Variants in ARSB observed in about 807,000 individuals in gnomAD.
The protein encoded by ARSB is arylsulfatase B, also known as N-acetylgalactosamine-4-sulfatase.
A neutral mutation model predicts 50.9 loss-of-function variants in ARSB; 41 were observed. The observed-to-expected ratio is 0.81, with a 90% CI of 0.63 to 1.04. The LOEUF is 1.04. ARSB is among the 50% of genes least tolerant of loss of function. The probability of loss-of-function intolerance (pLI) is 0.00; values close to 1 mark genes in which losing one functional copy is unlikely to be tolerated. For missense variants in ARSB, 672 were observed against 693.3 expected, an observed-to-expected ratio of 0.97 and a Z score of 0.35; for synonymous variants, 269 against 284.8, an observed-to-expected ratio of 0.94 and a Z score of 0.56.
At chr5:78,915,258 T>G (rs1281651560) in intron 4 of ARSB, among the ~76,000 whole-genome samples, 1 of 152,126 alleles carries the variant, frequency 6.6e-6, no homozygotes, top group Non-Finnish European at 1.5e-5. Flanking sequence ...TCTAATCAAT[T>G]AAAATTGACA....
chr5:78,964,511 C>T lies in ARSB; in HGVS notation c.595G>A (p.Gly199Ser). ...VTRCALDFRD[G>S]EEVATGYKNM... Reference sequence around the variant, plus strand: ...TTATATCCTGTTGCAACTTCTTCGCCATCTCGAAAATCAAGAGCACATCGT... The same window carrying T: ...TTATATCCTGTTGCAACTTCTTCGCTATCTCGAAAATCAAGAGCACATCGT... The change falls in exon 3 of 8, where the codon GGC becomes AGC. Residue 199 changes from glycine (G) to serine (S), a missense_variant. By Grantham distance (56) the Gly-to-Ser change is moderately conservative. Transcript: ENST00000264914. 1 of 1,614,034 alleles carries T rather than the reference C, an allele frequency of 6.2e-7. No homozygotes were observed. Among genetic ancestry groups the T allele is most frequent in the South Asian group, 1.1e-5 (1 of 91,082 alleles).
chr5:78,788,750 GCT>G (rs1276109022), intron 6 of ARSB, among the ~76,000 whole-genome samples: 1 of 151,994 alleles, frequency 6.6e-6, no homozygotes, highest in Non-Finnish European at 1.5e-5. Context: ...ACAGGCATGT[GCT>G]ACCATACCTA....
chr5:78,840,678 A>T (rs1263979693), intron 5 of ARSB, among the ~76,000 whole-genome samples: 2 of 149,290 alleles, frequency 1.3e-5, no homozygotes, highest in Admixed American at 6.8e-5. Flanking sequence ...ATCAGATGTC[A>T]TTGTCCCCCT....
intron 5 of ARSB, among the ~76,000 whole-genome samples, chr5:78,875,163 T>C (rs1241687606): frequency 1.3e-5 from 2 of 152,106 alleles, no homozygotes; most frequent in African/African-American, 2.4e-5. Flanking sequence ...TTTCAATTAT[T>C]TGTGGTCCTC....
intron 4 of ARSB, among the ~76,000 whole-genome samples, chr5:78,923,490 C>T (rs1247732947): frequency 2.0e-5 from 3 of 152,318 alleles, no homozygotes; most frequent in East Asian, 3.9e-4. Context: ...GATGCATAGA[C>T]GCGTCTACAA....
chr5:78,922,213 G>A (rs1205389875), intron 4 of ARSB, among the ~76,000 whole-genome samples: 23 of 147,130 alleles, frequency 1.6e-4, no homozygotes, highest in Non-Finnish European at 2.5e-4. Context: ...GGGGGGGGAG[G>A]AGGGGGCACG....
At chr5:78,917,926 T>C (rs998645552) in intron 4 of ARSB, among the ~76,000 whole-genome samples, 3 of 152,194 alleles carry the variant, frequency 2.0e-5, no homozygotes, top group African/African-American at 7.2e-5. Context: ...TAGAAACTTA[T>C]AAGAGAACAG....
In ARSB at chr5:78,955,524, A is replaced by G. The variant is rs6870443; in HGVS notation, c.691-22T>C. The G allele has an allele frequency of 0.17, 278,232 of 1,596,616 alleles. 25,683 individuals carry two copies. Among genetic ancestry groups the G allele is most frequent in the Middle Eastern group, 0.23 (1,324 of 5,700 alleles). On this transcript the variant is annotated intron_variant, in intron 3 of 7. Transcript: ENST00000264914. ...GAGGCTGGAAAGAAAGTTTGTGCAA[A>G]CCAGTTAAGAGGATATTGAAGCATT...
chr5:78,867,205 T>A (rs952360787), intron 5 of ARSB, among the ~76,000 whole-genome samples: 1 of 152,146 alleles, frequency 6.6e-6, no homozygotes, highest in African/African-American at 2.4e-5. Context: ...CACAGCAGTC[T>A]GAGATCAAAC....
At chr5:78,942,081 T>C (rs1428164291) in intron 4 of ARSB, among the ~76,000 whole-genome samples, 1 of 152,256 alleles carries the variant, frequency 6.6e-6, no homozygotes, top group Non-Finnish European at 1.5e-5. Context: ...GAGGTGTTTG[T>C]AGTATTCTCT....
intron 1 of ARSB, among the ~76,000 whole-genome samples, chr5:78,976,278 CTTTTTTTTTTT>C (rs541278624): frequency 1.7e-4 from 13 of 76,888 alleles, no homozygotes; most frequent in African/African-American, 5.4e-4. Flanking sequence ...AAACAGGCTA[CTTTTTTTTTTT>C]TTTTTTTTTT....
chr5:78,978,304 C>A (rs1752751286), intron 1 of ARSB, among the ~76,000 whole-genome samples: 1 of 150,090 alleles, frequency 6.7e-6, no homozygotes, highest in Non-Finnish European at 1.5e-5. Context: ...GTGCTCCAGC[C>A]TGGGCAACAG....
intron 6 of ARSB, among the ~76,000 whole-genome samples, chr5:78,815,032 C>T (rs1180860517): frequency 6.6e-6 from 1 of 150,626 alleles, no homozygotes; most frequent in Non-Finnish European, 1.5e-5. Context: ...AACAACAAAA[C>T]CAACCAAACA....
At chr5:78,879,277 C>T (rs1009696943) in intron 5 of ARSB, among the ~76,000 whole-genome samples, 1 of 152,124 alleles carries the variant, frequency 6.6e-6, no homozygotes, top group Non-Finnish European at 1.5e-5. Flanking sequence ...AACCTATAGG[C>T]TGATTATTGA....
intron 4 of ARSB, among the ~76,000 whole-genome samples, chr5:78,895,204 A>G (rs1748512916): frequency 6.6e-6 from 1 of 152,226 alleles, no homozygotes; most frequent in Non-Finnish European, 1.5e-5. Context: ...AGCAGGCTAG[A>G]ATCTGCAAGT....
chr5:78,914,194 G>T (rs1048399453), intron 4 of ARSB, among the ~76,000 whole-genome samples: 1 of 151,852 alleles, frequency 6.6e-6, no homozygotes, highest in East Asian at 1.9e-4. Context: ...CAAATTCCTG[G>T]CCTCAAGTAA....
chr5:78,904,287 A>G (rs1209492035), intron 4 of ARSB, among the ~76,000 whole-genome samples: 1 of 152,228 alleles, frequency 6.6e-6, no homozygotes, highest in African/African-American at 2.4e-5. Context: ...ATCAATAAAG[A>G]TGCTATAAAT....
intron 5 of ARSB, among the ~76,000 whole-genome samples, chr5:78,861,791 G>C (rs1323415791): frequency 1.3e-5 from 2 of 152,068 alleles, no homozygotes; most frequent in Non-Finnish European, 2.9e-5. Context: ...AGAAATAAAG[G>C]GCATTCAATT....
intron 5 of ARSB, among the ~76,000 whole-genome samples, chr5:78,855,671 G>A (rs1374241725): frequency 6.6e-6 from 1 of 152,170 alleles, no homozygotes; most frequent in East Asian, 1.9e-4. Flanking sequence ...GGGGAAGCAC[G>A]GACATGTGGA....
Sources: gnomAD v4.1 joint callset for allele counts (sites outside exome capture counted in the v4.1 genomes callset) on GRCh38, gnomAD v4.1.1 for gene constraint, MANE v1.5 for transcripts, NCBI Gene and HGNC (gene_info 2026-07-23, HGNC 2026-07-21) for gene names.